The following SPG11 variants were observed in gnomAD, a reference collection of about 807,000 sequenced individuals.
SPG11 encodes SPG11 vesicle trafficking associated, spatacsin.
SPG11 carries 222 observed loss-of-function variants against 274.0 expected under a neutral mutation model. The observed-to-expected ratio is 0.81, with a 90% CI of 0.73 to 0.91. The LOEUF (loss-of-function observed/expected upper bound fraction) is 0.91, where lower values mean the gene tolerates loss of function less well. Among genes scored for constraint, SPG11 ranks in the 40% least tolerant of loss-of-function variants. The pLI, the probability that SPG11 is intolerant of heterozygous loss-of-function variation, is 0.00. For synonymous variants in SPG11, 1,144 were observed against 1,039.7 expected, an observed-to-expected ratio of 1.10 and a Z score of -1.93; for missense variants, 3,114 against 2,872.7, an observed-to-expected ratio of 1.08 and a Z score of -1.92.
At position 44,660,536 on chromosome 15, in the gene SPG11, A is replaced by C. The variant is rs1685928188; in HGVS notation, c.338T>G (p.Leu113Arg). The C allele has an allele frequency of 1.2e-6, 2 of 1,614,200 alleles. No homozygotes were observed. The highest frequency in any genetic ancestry group is 1.3e-5 in the African/African-American group (1 of 75,072). The change falls in exon 2 of 40, where the codon CTG (leucine) becomes CGG (arginine). Residue 113 changes from leucine to arginine, a missense_variant. Coordinates refer to ENST00000261866, the MANE Select transcript of SPG11 (RefSeq NM_025137.4). ...TTTCAAATTAAATTCATAGATAAGCAGTTCATAATTTTCACCAAGAGCGAG... is the reference window on the plus strand; with the variant it reads ...TTTCAAATTAAATTCATAGATAAGCCGTTCATAATTTTCACCAAGAGCGAG... ...KLLALGENYELLIYEFNLKDG... is the reference protein window; with the variant it reads ...KLLALGENYERLIYEFNLKDG...
chr15:44,641,922 G>GAAAAAAAAAAAAAAA (rs71111874), intron 7 of SPG11, among the ~76,000 whole-genome samples: 1 of 55,906 alleles, frequency 1.8e-5, no homozygotes, highest in Non-Finnish European at 3.8e-5. Flanking sequence ...CTGCTTAACA[G>GAAAAAAAAAAAAAAA]AAAAAAAAAA....
chr15:44,568,776 T>C (rs1033796081), intron 35 of SPG11, among the ~76,000 whole-genome samples: 2 of 152,196 alleles, frequency 1.3e-5, no homozygotes, highest in Non-Finnish European at 2.9e-5. Context: ...CAATCCACTT[T>C]CAGCCTGGCT....
At chr15:44,630,254 C>G (rs1567175774) in intron 8 of SPG11, among the ~76,000 whole-genome samples, 2 of 152,194 alleles carry the variant, frequency 1.3e-5, no homozygotes, top group African/African-American at 4.8e-5. Context: ...TGGATTACAT[C>G]TGTGAGATGT....
chr15:44,578,075 A>AGTGCATT (rs1306076164), intron 30 of SPG11, among the ~76,000 whole-genome samples: 1 of 124,760 alleles, frequency 8.0e-6, no homozygotes, highest in Non-Finnish European at 1.6e-5. Context: ...CCCAGGCTGG[A>AGTGCATT]GTGCATTGGC....
At position 44,626,416 on chromosome 15, in the gene SPG11, T is replaced by C; in HGVS notation, c.2159A>G (p.Glu720Gly). 6.2e-7 allele frequency: 1 copy of C among 1,613,950 alleles called. No individual in the cohort carries two copies. The highest frequency in any genetic ancestry group is 8.5e-7 in the Non-Finnish European group (1 of 1,179,912). ...IDSHSAQKLE[E>G]LIGIGLNLVF... ...CAAATTTAGGCCTATGCCAATAAGC[T>C]CCTCAAGTTTTTGAGCAGAATGACT... The change falls in exon 11 of 40, where the codon GAG becomes GGG. Residue 720 changes from glutamate to glycine, a missense_variant. Transcript: ENST00000261866.
intron 18 of SPG11, among the ~76,000 whole-genome samples, chr15:44,610,511 T>C (rs1192521657): frequency 1.3e-5 from 2 of 152,100 alleles, no homozygotes; most frequent in Admixed American, 6.5e-5. Context: ...GCCTCCCCAG[T>C]AGCTGGGATT....
intron 31 of SPG11, among the ~76,000 whole-genome samples, chr15:44,574,609 G>C (rs2082495316): frequency 6.6e-6 from 1 of 152,084 alleles, no homozygotes; most frequent in African/African-American, 2.4e-5. Flanking sequence ...ATTAAGTCTA[G>C]AAGAGACCCT....
chr15:44,582,249 C>CA (rs1056783087), intron 30 of SPG11, among the ~76,000 whole-genome samples: 2 of 151,816 alleles, frequency 1.3e-5, no homozygotes, highest in African/African-American at 4.8e-5. Flanking sequence ...ATACAAAAAC[C>CA]AAACAGTATA....
intron 6 of SPG11, among the ~76,000 whole-genome samples, chr15:44,650,640 T>G (rs888344373): frequency 6.8e-6 from 1 of 147,264 alleles, no homozygotes; most frequent in Non-Finnish European, 1.5e-5. Flanking sequence ...AAAAAAAAAG[T>G]AAATTAAAAA....
chr15:44,654,810 C>T (rs1474608243), intron 4 of SPG11, among the ~76,000 whole-genome samples: 3 of 151,524 alleles, frequency 2.0e-5, no homozygotes, highest in South Asian at 2.1e-4. Context: ...CGCTCCATCC[C>T]GGACAACAAG....
At chr15:44,649,264 T>C (rs2084693674) in intron 6 of SPG11, among the ~76,000 whole-genome samples, 1 of 152,104 alleles carries the variant, frequency 6.6e-6, no homozygotes, top group East Asian at 1.9e-4. Flanking sequence ...AGTGGTGTGA[T>C]CATAGCTCAC....
intron 31 of SPG11, 58 bp from the exon 32 acceptor site, chr15:44,573,803 A>G: frequency 6.4e-7 from 1 of 1,552,418 alleles, no homozygotes; most frequent in Non-Finnish European, 8.9e-7. Context: ...AAAGCAAAAG[A>G]GCCCTTTCTG....
At chr15:44,615,110 T>C (rs1464100072) in intron 16 of SPG11, among the ~76,000 whole-genome samples, 1 of 152,226 alleles carries the variant, frequency 6.6e-6, no homozygotes, top group Non-Finnish European at 1.5e-5. Flanking sequence ...TTCATTGTAT[T>C]CTAAAGTCAA....
Position 44,615,498 on chromosome 15 carries a change from C to T in SPG11, c.2903G>A (p.Gly968Glu). The T allele has an allele frequency of 1.2e-6, 2 of 1,614,062 alleles. No homozygotes were observed. Among genetic ancestry groups the T allele is most frequent in the Non-Finnish European group, 1.7e-6 (2 of 1,179,990 alleles). The change falls in exon 16 of 40, where the codon GGA becomes GAA. Residue 968 changes from glycine to glutamate, a missense_variant. Gly to Glu is a moderately conservative substitution (Grantham distance 98). Transcript: ENST00000261866. ...AGGGAGGGTATCCTGTATTACACCTCCAATACGGCTCAGTCTTAGGAGGAA... is the reference window on the plus strand; with the variant it reads ...AGGGAGGGTATCCTGTATTACACCTTCAATACGGCTCAGTCTTAGGAGGAA... ...ECFLLRLSRI[G>E]GVIQDTLPVQ...
intron 4 of SPG11, among the ~76,000 whole-genome samples, chr15:44,655,034 G>A (rs984307966): frequency 1.3e-5 from 2 of 152,186 alleles, no homozygotes; most frequent in East Asian, 3.8e-4. Context: ...TGCCATTGCA[G>A]TGAGCCCTAG....
In SPG11 at chr15:44,582,270, G is replaced by A. The variant is rs1026778110; in HGVS notation, c.5866+1544C>T. 3.3e-5 allele frequency among the ~76,000 whole-genome samples: 5 copies of A among 152,084 alleles called. 1 individual carries two copies. In the South Asian group the frequency reaches 8.3e-4, roughly 25 times the overall value. On this transcript the variant is annotated intron_variant, in intron 30 of 39. Transcript: ENST00000261866. Reference sequence around the variant, plus strand: ...AAACCAAACAGTATAAAAAAAGGCCGGGCACGGTGGCTCAAGCCGGTAATC... The same window carrying A: ...AAACCAAACAGTATAAAAAAAGGCCAGGCACGGTGGCTCAAGCCGGTAATC...
At chr15:44,604,392 A>G (rs1405803569) in intron 20 of SPG11, among the ~76,000 whole-genome samples, 4 of 152,212 alleles carry the variant, frequency 2.6e-5, no homozygotes, top group Admixed American at 2.6e-4. Context: ...GAGCGTTTGT[A>G]AGGCACACAG....
intron 7 of SPG11, among the ~76,000 whole-genome samples, chr15:44,637,768 A>G (rs1394315003): frequency 6.6e-6 from 1 of 152,184 alleles, no homozygotes; most frequent in East Asian, 1.9e-4. Context: ...CCTATTATTT[A>G]CTATGCTATA....
chr15:44,573,832 C>A, intron 31 of SPG11, 87 bp from the exon 32 acceptor site: 2 of 1,239,508 alleles, frequency 1.6e-6, no homozygotes, highest in African/African-American at 1.5e-5. Context: ...TGTGGACAGA[C>A]TCCACTGTAT....
Sources: gnomAD v4.1 joint callset for allele counts (sites outside exome capture counted in the v4.1 genomes callset) on GRCh38, gnomAD v4.1.1 for gene constraint, MANE v1.5 for transcripts, NCBI Gene and HGNC (gene_info 2026-07-23, HGNC 2026-07-21) for gene names.